The following NGEF variants were observed in gnomAD, a reference collection of about 807,000 sequenced individuals.
The protein encoded by NGEF is neuronal guanine nucleotide exchange factor.
Under a neutral mutation model 80.9 loss-of-function variants are expected in NGEF, and 31 were observed. The observed-to-expected ratio is 0.38, with a 90% CI of 0.29 to 0.52. NGEF has a LOEUF of 0.52. Among genes scored for constraint, NGEF ranks in the 20% least tolerant of loss-of-function variants. NGEF has a pLI of 0.84. For missense variants in NGEF, 709 were observed against 926.2 expected (o/e 0.77, Z 3.04); for synonymous variants, 371 against 370.2 (o/e 1.00, Z -0.03).
At chr2:232,995,082 G>A (rs572828819) in intron 1 of NGEF, among the ~76,000 whole-genome samples, 8 of 18,104 alleles carry the variant, frequency 4.4e-4, no homozygotes, top group South Asian at 1.8e-3. Context: ...CTGTATATGT[G>A]TACAGTATGT....
chr2:232,960,310 A>G (rs547639678), intron 3 of NGEF, among the ~76,000 whole-genome samples: 2 of 152,372 alleles, frequency 1.3e-5, no homozygotes, highest in East Asian at 3.9e-4. Flanking sequence ...ACCCTGATTC[A>G]TGACCTTGTG....
intron 2 of NGEF, 79 bp from the exon 3 acceptor site, chr2:232,970,407 G>C (rs1694161766): frequency 1.1e-6 from 1 of 906,930 alleles, no homozygotes; most frequent in Non-Finnish European, 1.7e-6. Context: ...GCCTAGGACA[G>C]TAGCAGCAGT....
rs74888143 is a variant in NGEF, at chr2:232,990,916, A to G, written c.-74-15952T>C. Among the ~76,000 whole-genome samples, 350 of 152,262 alleles carry G rather than the reference A, an allele frequency of 2.3e-3. 4 individuals are homozygous for G. The highest frequency in any genetic ancestry group is 0.021 in the East Asian group (110 of 5,194). ...GTAGAATTTATCCCAGGAATGCAAG[A>G]TTGGTTTAACATGCAAAAATCAATT... On this transcript the variant is annotated intron_variant, in intron 1 of 14. Transcript: ENST00000264051.
intron 3 of NGEF, among the ~76,000 whole-genome samples, chr2:232,935,916 T>A (rs1188484444): frequency 6.6e-6 from 1 of 152,218 alleles, no homozygotes; most frequent in Non-Finnish European, 1.5e-5. Flanking sequence ...ATCTTTTAAA[T>A]CCATAAACAC....
At position 232,996,250 on chromosome 2, in the gene NGEF, C is replaced by T. The variant is rs187015989; in HGVS notation, c.-75+16818G>A. On this transcript the variant is annotated intron_variant, in intron 1 of 14. Transcript: ENST00000264051. ...GGCTGAGGCACGAGAATCGCTTGAACCCAGGAGGCAGAGGTTGCAATGAGC... is the reference window on the plus strand; with the variant it reads ...GGCTGAGGCACGAGAATCGCTTGAATCCAGGAGGCAGAGGTTGCAATGAGC... Among the ~76,000 whole-genome samples, 4 of 152,224 alleles carry T rather than the reference C, an allele frequency of 2.6e-5. No individual in the cohort carries two copies. In the East Asian group the frequency reaches 7.7e-4, roughly 29 times the overall value.
At chr2:232,913,436 G>A (rs1457218007) in intron 5 of NGEF, among the ~76,000 whole-genome samples, 3 of 152,172 alleles carry the variant, frequency 2.0e-5, no homozygotes. Context: ...AAAACAATGT[G>A]TAATCTGCTA....
intron 3 of NGEF, among the ~76,000 whole-genome samples, chr2:232,960,833 G>A (rs188081209): frequency 1.1e-4 from 16 of 152,234 alleles, no homozygotes; most frequent in African/African-American, 2.4e-4. Context: ...AGCCAAGATC[G>A]CGCCACTGCA....
At chr2:232,992,074 A>T (rs1293777530) in intron 1 of NGEF, among the ~76,000 whole-genome samples, 1 of 152,192 alleles carries the variant, frequency 6.6e-6, no homozygotes, top group East Asian at 1.9e-4. Flanking sequence ...ACAAAGATTA[A>T]CTCAAAATAA....
chr2:232,922,667 G>A (rs1692970418), intron 4 of NGEF, among the ~76,000 whole-genome samples: 1 of 152,222 alleles, frequency 6.6e-6, no homozygotes, highest in Non-Finnish European at 1.5e-5. Context: ...GGTTACAGAG[G>A]TTTAAAGAAA....
chr2:232,907,159 TAAAAAA>T lies in NGEF; in HGVS notation c.829-12249_829-12244del, dbSNP rs1181408500. 1.5e-4 allele frequency among the ~76,000 whole-genome samples: 4 copies of T among 25,846 alleles called. No individual in the cohort carries two copies. The Admixed American group carries it at 1.8e-3, about 12-fold the overall frequency. 17.0% of individuals were successfully genotyped at this position (25,846 alleles called of 152,430 possible). A position where few individuals can be genotyped will look rare whatever the true frequency, so the allele number is the denominator to read the frequency against. ...CGAGAAACACCCAAGAATGATCAAT[TAAAAAA>T]AAAAAAAAGAAAAGAAAAAAAAGAA... On this transcript the variant is annotated intron_variant, in intron 5 of 14. Coordinates refer to ENST00000264051, the MANE Select transcript of NGEF (RefSeq NM_019850.3).
intron 1 of NGEF, among the ~76,000 whole-genome samples, chr2:232,986,983 G>C (rs2106331332): frequency 6.6e-6 from 1 of 152,278 alleles, no homozygotes; most frequent in South Asian, 2.1e-4. Flanking sequence ...CATAAATCAA[G>C]TGTTGGAGGC....
intron 1 of NGEF, among the ~76,000 whole-genome samples, chr2:232,990,608 A>G (rs1446862385): frequency 1.3e-5 from 2 of 152,112 alleles, no homozygotes; most frequent in Non-Finnish European, 2.9e-5. Context: ...CCCAAATATC[A>G]TTAAATGTTA....
chr2:232,953,086 G>A (rs769761894), intron 3 of NGEF, among the ~76,000 whole-genome samples: 10 of 150,526 alleles, frequency 6.6e-5, no homozygotes, highest in Non-Finnish European at 1.2e-4. Context: ...GGCAGATCAC[G>A]AGGTCAGATG....
chr2:232,914,735 C>T (rs1692756838), intron 5 of NGEF, among the ~76,000 whole-genome samples: 1 of 151,572 alleles, frequency 6.6e-6, no homozygotes, highest in Non-Finnish European at 1.5e-5. Flanking sequence ...AATAACATTT[C>T]TGGCCAGGTG....
At chr2:232,965,087 C>T (rs1384433644) in intron 3 of NGEF, among the ~76,000 whole-genome samples, 1 of 152,186 alleles carries the variant, frequency 6.6e-6, no homozygotes, top group Non-Finnish European at 1.5e-5. Flanking sequence ...CTAACGACAG[C>T]GACGATTCCA....
chr2:232,883,668 C>T (rs1383755217), intron 11 of NGEF, among the ~76,000 whole-genome samples: 8 of 152,200 alleles, frequency 5.3e-5, no homozygotes, highest in Non-Finnish European at 7.3e-5. Flanking sequence ...AACAGCACCA[C>T]GGTCCTGCCA....
intron 1 of NGEF, among the ~76,000 whole-genome samples, chr2:232,990,971 G>A (rs1288418028): frequency 6.6e-6 from 1 of 151,804 alleles, no homozygotes; most frequent in African/African-American, 2.4e-5. Context: ...ATGAAACAAG[G>A]GACAAAAACA....
chr2:232,995,596 G>A (rs968720919), intron 1 of NGEF, among the ~76,000 whole-genome samples: 1 of 34,808 alleles, frequency 2.9e-5, no homozygotes, highest in Non-Finnish European at 6.9e-5. Flanking sequence ...TATGTATACT[G>A]TATATATATA....
rs140874651 is a variant in NGEF at position 232,921,758 on chromosome 2, C to T, written c.527-1173G>A. Among the ~76,000 whole-genome samples the T allele has an allele frequency of 5.5e-3, 836 of 152,078 alleles. 6 individuals are homozygous for T. Among genetic ancestry groups the T allele is most frequent in the African/African-American group, 0.018 (745 of 41,482 alleles). The stretch of plus-strand genomic sequence containing the variant: ...GCCTCCCCAGTGCTGGGATTACAGA[C>T]GTGAACCCCTGTGCCTGGTCCTGTC... On this transcript the variant is annotated intron_variant, in intron 4 of 14. Transcript: ENST00000264051.
Sources: gnomAD v4.1 joint callset for allele counts (sites outside exome capture counted in the v4.1 genomes callset) on GRCh38, gnomAD v4.1.1 for gene constraint, MANE v1.5 for transcripts, NCBI Gene and HGNC (gene_info 2026-07-23, HGNC 2026-07-21) for gene names.